FNTB: variants seen among roughly 807,000 people sequenced by gnomAD.
The protein encoded by FNTB is farnesyltransferase, CAAX box, subunit beta.
Under a neutral mutation model 59.4 loss-of-function variants are expected in FNTB, and 27 were observed. The ratio of observed to expected loss-of-function variants is 0.45; its 90% CI spans 0.34 to 0.63. The LOEUF (loss-of-function observed/expected upper bound fraction) is 0.63, where lower values mean the gene tolerates loss of function less well. Ranked by LOEUF, FNTB falls within the 20% of genes least tolerant of loss-of-function variation. The probability of loss-of-function intolerance (pLI) is 0.02; values close to 1 mark genes in which losing one functional copy is unlikely to be tolerated. For missense variants in FNTB, 449 were observed against 559.6 expected, an observed-to-expected ratio of 0.80 and a Z score of 1.99; for synonymous variants, 230 against 220.7, an observed-to-expected ratio of 1.04 and a Z score of -0.37.
chr14:65,012,487 G>A lies in FNTB; in HGVS notation c.282+98G>A. ...AAAAGACTGTTGGGGCTGACCTGTTGCAGAGTCACTCTTTGTTCTCTGTGG... is the reference window on the plus strand; with the variant it reads ...AAAAGACTGTTGGGGCTGACCTGTTACAGAGTCACTCTTTGTTCTCTGTGG... On this transcript the variant is annotated intron_variant, in intron 3 of 11. Transcript: ENST00000246166. The surrounding 1 kb of genome is among the most constrained non-coding windows in gnomAD (Gnocchi z 5.0). The A allele has an allele frequency of 6.7e-7, 1 of 1,486,172 alleles. No homozygotes were observed. Among genetic ancestry groups the A allele is most frequent in the Middle Eastern group, 1.7e-4 (1 of 5,766 alleles). The allele number at this position is 1,486,172 out of a possible 1,614,324, so 92.1% of individuals were successfully genotyped here. A position where few individuals can be genotyped will look rare whatever the true frequency, so the allele number is the denominator to read the frequency against.
chr14:65,026,751 A>G (rs1323545494), intron 4 of FNTB, among the ~76,000 whole-genome samples: 1 of 152,040 alleles, frequency 6.6e-6, no homozygotes, highest in Non-Finnish European at 1.5e-5. Context: ...AATCCCAGCT[A>G]CTTGGAAGGG....
At chr14:65,022,687 A>AG (rs2061911159) in intron 4 of FNTB, among the ~76,000 whole-genome samples, 2 of 151,990 alleles carry the variant, frequency 1.3e-5, no homozygotes, top group Admixed American at 6.6e-5. Flanking sequence ...AAAAAAAAAA[A>AG]GTAGTCATTT....
chr14:65,053,246 GC>G lies in FNTB; in HGVS notation c.967del (p.Ser324AlafsTer2). The G allele has an allele frequency of 7.1e-7, 1 of 1,405,558 alleles. No individual in the cohort carries two copies. Among genetic ancestry groups the G allele is most frequent in the East Asian group, 2.7e-5 (1 of 36,722 alleles). The allele number at this position is 1,405,558 out of a possible 1,614,324, so 87.1% of individuals were successfully genotyped here. ...HRALHAQGDP[A>X]LSMSHWMFHQ... ...CCTTTGCCCTTCAACAGGTGACCCT[GC>G]CCTTAGCATGAGCCACTGGATGTTC... On this transcript the variant is annotated frameshift_variant, in exon 10 of 12. Coordinates refer to ENST00000246166, the MANE Select transcript of FNTB (RefSeq NM_002028.4). LOFTEE classifies it high-confidence loss of function.
intron 2 of FNTB, among the ~76,000 whole-genome samples, chr14:65,010,775 G>A (rs182697353): frequency 6.6e-6 from 1 of 152,090 alleles, no homozygotes; most frequent in Admixed American, 6.6e-5. Context: ...TTAAACTGGG[G>A]CAGTACTCCT....
At chr14:65,003,045 A>C (rs1343364163) in intron 1 of FNTB, among the ~76,000 whole-genome samples, 2 of 152,214 alleles carry the variant, frequency 1.3e-5, no homozygotes, top group Non-Finnish European at 1.5e-5. Context: ...ATTCATGCTT[A>C]ATTATAACTG....
chr14:65,060,457 G>A lies in FNTB; in HGVS notation c.1183-724G>A, dbSNP rs2062836367. On this transcript the variant is annotated intron_variant, in intron 11 of 11. Transcript: ENST00000246166. ...TACAAAAATAATCCCAGCACTTTGG[G>A]AGGCCGAGGCGGGCGGATCACGAGG... Among the ~76,000 whole-genome samples, 2 of 101,684 alleles carry A rather than the reference G, an allele frequency of 2.0e-5. 1 individual carries two copies. The highest frequency in any genetic ancestry group is 3.4e-5 in the Non-Finnish European group (2 of 58,512). 66.7% of individuals were successfully genotyped at this position (101,684 alleles called of 152,430 possible).
rs2062637728 is a variant in FNTB, at chr14:65,052,453, G to A, written c.956-785G>A. Among the ~76,000 whole-genome samples the A allele has an allele frequency of 3.3e-5, 5 of 152,098 alleles. No homozygotes were observed. In the South Asian group the frequency reaches 6.2e-4, roughly 19 times the overall value. On this transcript the variant is annotated intron_variant, in intron 9 of 11. Transcript: ENST00000246166. ...ATATAAAATTGACCAAGGACTTAGTGTACATCCTATATGTATATATATTTT... is the reference window on the plus strand; with the variant it reads ...ATATAAAATTGACCAAGGACTTAGTATACATCCTATATGTATATATATTTT...
In FNTB at chr14:65,012,483, T is replaced by C; in HGVS notation, c.282+94T>C. On this transcript the variant is annotated intron_variant, in intron 3 of 11. Coordinates refer to ENST00000246166, the MANE Select transcript of FNTB (RefSeq NM_002028.4). This position sits in a 1 kb window ranked among gnomAD's most constrained non-coding sequence, Gnocchi z 5.0. ...ACGTAAAAGACTGTTGGGGCTGACC[T>C]GTTGCAGAGTCACTCTTTGTTCTCT... 6.7e-7 allele frequency: 1 copy of C among 1,501,596 alleles called. No individual in the cohort carries two copies. Among genetic ancestry groups the C allele is most frequent in the Non-Finnish European group, 9.1e-7 (1 of 1,097,454 alleles). 93.0% of individuals were successfully genotyped at this position (1,501,596 alleles called of 1,614,324 possible). A position where few individuals can be genotyped will look rare whatever the true frequency, so the allele number is the denominator to read the frequency against.
rs1200661281 is a variant in FNTB, at chr14:65,061,409, TTAGCCTCAGTGGAGC to T, written c.*99_*113del. 1.3e-6 allele frequency: 2 copies of T among 1,515,698 alleles called. No homozygotes were observed. The highest frequency in any genetic ancestry group is 2.8e-5 in the African/African-American group (2 of 72,434). 93.9% of individuals were successfully genotyped at this position (1,515,698 alleles called of 1,614,324 possible). A position where few individuals can be genotyped will look rare whatever the true frequency, so the allele number is the denominator to read the frequency against. On this transcript the variant is annotated 3_prime_UTR_variant, in exon 12 of 12. Coordinates refer to ENST00000246166, the MANE Select transcript of FNTB (RefSeq NM_002028.4). Reference sequence around the variant, plus strand: ...TACTGCATTCTGTGCTACACAAGCCTTAGCCTCAGTGGAGCTGTGGTTCTCTTGGTACTTTCTTGT... The same window carrying T: ...TACTGCATTCTGTGCTACACAAGCCTTGTGGTTCTCTTGGTACTTTCTTGT...
In FNTB at chr14:65,054,480, T is replaced by C; in HGVS notation, c.1068-95T>C. ...GCCACATGGAGGATGGGGGGGGACGTGTGATTGCACCAGTGGTCTCTGAAT... is the reference window on the plus strand; with the variant it reads ...GCCACATGGAGGATGGGGGGGGACGCGTGATTGCACCAGTGGTCTCTGAAT... On this transcript the variant is annotated intron_variant, in intron 10 of 11. Coordinates refer to ENST00000246166, the MANE Select transcript of FNTB (RefSeq NM_002028.4). The surrounding 1 kb of genome is among the most constrained non-coding windows in gnomAD (Gnocchi z 4.4). 8.0e-7 allele frequency: 1 copy of C among 1,247,876 alleles called. No homozygotes were observed. The highest frequency in any genetic ancestry group is 2.6e-5 in the East Asian group (1 of 39,108). 77.3% of individuals were successfully genotyped at this position (1,247,876 alleles called of 1,614,324 possible). A position where few individuals can be genotyped will look rare whatever the true frequency, so the allele number is the denominator to read the frequency against.
At chr14:65,035,141 C>T (rs986731749) in intron 7 of FNTB, among the ~76,000 whole-genome samples, 1 of 152,244 alleles carries the variant, frequency 6.6e-6, no homozygotes, top group African/African-American at 2.4e-5. Flanking sequence ...CAGCCTGCAT[C>T]TTCCTGCCAG....
At chr14:65,055,514 T>A (rs1011561245) in intron 11 of FNTB, among the ~76,000 whole-genome samples, 1 of 152,116 alleles carries the variant, frequency 6.6e-6, no homozygotes, top group South Asian at 2.1e-4. Context: ...ATTTTTTTTT[T>A]AATTTTTAAT....
At chr14:64,988,635 G>T (rs537929065) in intron 1 of FNTB, among the ~76,000 whole-genome samples, 1 of 152,008 alleles carries the variant, frequency 6.6e-6, no homozygotes, top group East Asian at 1.9e-4. Flanking sequence ...GTTTCACCAT[G>T]TGGCCAGGCT....
Position 64,997,108 on chromosome 14 carries a change from C to T in FNTB, c.145-7141C>T, listed in dbSNP as rs1268729333. 6.6e-6 allele frequency among the ~76,000 whole-genome samples: 1 copy of T among 151,964 alleles called. No individual in the cohort carries two copies. Among genetic ancestry groups the T allele is most frequent in the Non-Finnish European group, 1.5e-5 (1 of 68,012 alleles). On this transcript the variant is annotated intron_variant, in intron 1 of 11. Coordinates refer to ENST00000246166, the MANE Select transcript of FNTB (RefSeq NM_002028.4). This position sits in a 1 kb window ranked among gnomAD's most constrained non-coding sequence, Gnocchi z 4.5. ...TCTGATGGTCGTAATTTTGGAAAGA[C>T]AATCTCCCTTTAGAATTGTGAGAGG...
rs1307314886 is a variant in FNTB, at chr14:64,991,838, G to GA, written c.144+4742dup. Among the ~76,000 whole-genome samples the GA allele has an allele frequency of 6.6e-6, 1 of 152,096 alleles. No homozygotes were observed. Among genetic ancestry groups the GA allele is most frequent in the Non-Finnish European group, 1.5e-5 (1 of 68,016 alleles). On this transcript the variant is annotated intron_variant, in intron 1 of 11. Transcript: ENST00000246166. This position sits in a 1 kb window ranked among gnomAD's most constrained non-coding sequence, Gnocchi z 4.4. ...ACTCAGGCTTGACTGGGGGCGTTAAGATGGCTTACCAGGAACGGAGGGTGC... is the reference window on the plus strand; with the variant it reads ...ACTCAGGCTTGACTGGGGGCGTTAAGAATGGCTTACCAGGAACGGAGGGTGC...
Position 65,029,982 on chromosome 14 carries a change from C to G in FNTB, c.605+2201C>G, listed in dbSNP as rs923126760. On this transcript the variant is annotated intron_variant, in intron 6 of 11. Transcript: ENST00000246166. The surrounding 1 kb of genome is among the most constrained non-coding windows in gnomAD (Gnocchi z 4.7). ...AGGATGGAAAGTTAGTGGACAAATT[C>G]AAATTTGAGAGCTGCGATGACTGGG... 6.6e-6 allele frequency among the ~76,000 whole-genome samples: 1 copy of G among 152,084 alleles called. No individual in the cohort carries two copies. Among genetic ancestry groups the G allele is most frequent in the African/African-American group, 2.4e-5 (1 of 41,410 alleles).
Position 65,047,322 on chromosome 14 carries a change from C to T in FNTB, c.955+2879C>T, listed in dbSNP as rs2062506524. On this transcript the variant is annotated intron_variant, in intron 9 of 11. Coordinates refer to ENST00000246166, the MANE Select transcript of FNTB (RefSeq NM_002028.4). This position sits in a 1 kb window ranked among gnomAD's most constrained non-coding sequence, Gnocchi z 5.2. The stretch of plus-strand genomic sequence containing the variant: ...TGATTGCTTTATAATACCTGATTGG[C>T]ACTCACAAGGGTTAGTATGTGGTTG... Among the ~76,000 whole-genome samples the T allele has an allele frequency of 1.3e-5, 2 of 152,234 alleles. No homozygotes were observed. The highest frequency in any genetic ancestry group is 2.9e-5 in the Non-Finnish European group (2 of 68,044).
chr14:65,040,246 ACT>A lies in FNTB; in HGVS notation c.693-543_693-542del, dbSNP rs1491265324. On this transcript the variant is annotated intron_variant, in intron 7 of 11. Coordinates refer to ENST00000246166, the MANE Select transcript of FNTB (RefSeq NM_002028.4). Reference sequence around the variant, plus strand: ...ATTTTATTTTAACTTGATGGTTATCACTATATATATATGTATATATATGTATA... The same window carrying A: ...ATTTTATTTTAACTTGATGGTTATCAATATATATATGTATATATATGTATA... Among the ~76,000 whole-genome samples, 4 of 146,576 alleles carry A rather than the reference ACT, an allele frequency of 2.7e-5. No homozygotes were observed. The East Asian group carries it at 7.2e-4, about 26-fold the overall frequency.
intron 1 of FNTB, among the ~76,000 whole-genome samples, chr14:65,000,285 G>A (rs1397599359): frequency 6.6e-6 from 1 of 152,080 alleles, no homozygotes; most frequent in Non-Finnish European, 1.5e-5. Context: ...CTGCATCTGT[G>A]GATTCAGCCA....
Sources: gnomAD v4.1 joint callset for allele counts (sites outside exome capture counted in the v4.1 genomes callset) on GRCh38, gnomAD v4.1.1 for gene constraint, Gnocchi (gnomAD v3.1) non-coding constraint, MANE v1.5 for transcripts, NCBI Gene and HGNC (gene_info 2026-07-23, HGNC 2026-07-21) for gene names.